Variants in CACNA1A observed in about 807,000 individuals in gnomAD.
CACNA1A encodes the protein calcium voltage-gated channel subunit alpha1 A, also known as voltage-dependent P/Q-type calcium channel subunit alpha-1A.
A neutral mutation model predicts 262.4 loss-of-function variants in CACNA1A; 57 were observed. The ratio of observed to expected loss-of-function variants is 0.22; its 90% CI spans 0.18 to 0.27. The LOEUF is 0.27. Ranked by LOEUF, CACNA1A falls within the 10% of genes least tolerant of loss-of-function variation. The probability of loss-of-function intolerance (pLI) is 1.00; values close to 1 mark genes in which losing one functional copy is unlikely to be tolerated. For missense variants in CACNA1A, 2,526 were observed against 3,562.8 expected, an observed-to-expected ratio of 0.71 and a Z score of 7.41; for synonymous variants, 1,431 against 1,419.3, an observed-to-expected ratio of 1.01 and a Z score of -0.18.
intron 1 of CACNA1A, among the ~76,000 whole-genome samples, chr19:13,455,418 A>G (rs1272753054): frequency 3.9e-5 from 6 of 152,142 alleles, no homozygotes; most frequent in Non-Finnish European, 8.8e-5. Context: ...GGAAATGTGG[A>G]TATTCACCTT....
At position 13,308,023 on chromosome 19, in the gene CACNA1A, G is replaced by C; in HGVS notation, c.1913+97C>G. 6.6e-7 allele frequency: 1 copy of C among 1,522,420 alleles called. No homozygotes were observed. The highest frequency in any genetic ancestry group is 9.0e-7 in the Non-Finnish European group (1 of 1,113,076). The allele number at this position is 1,522,420 out of a possible 1,614,324, so 94.3% of individuals were successfully genotyped here. On this transcript the variant is annotated intron_variant, in intron 14 of 46. Coordinates refer to ENST00000360228, the MANE Select transcript of CACNA1A (RefSeq NM_001127222.2). This position sits in a 1 kb window ranked among gnomAD's most constrained non-coding sequence, Gnocchi z 4.2. ...TTTGGGTGACCGCAATGGGTGTCTG[G>C]GCTACGAGGAAGGCAGCCTGCACGG...
chr19:13,224,882 T>A, intron 37 of CACNA1A, 110 bp from the exon 38 acceptor site: 1 of 725,672 alleles, frequency 1.4e-6, no homozygotes, highest in Non-Finnish European at 2.4e-6. Context: ...CTGAAAGCTG[T>A]GGCGGCTGAG....
intron 3 of CACNA1A, among the ~76,000 whole-genome samples, chr19:13,396,065 C>T (rs1241206009): frequency 6.6e-6 from 1 of 152,232 alleles, no homozygotes; most frequent in Admixed American, 6.5e-5. Context: ...TGAAGGCTCT[C>T]GTGCAAACAC....
intron 3 of CACNA1A, among the ~76,000 whole-genome samples, chr19:13,443,225 T>C (rs1486901745): frequency 3.0e-4 from 46 of 152,226 alleles, no homozygotes; most frequent in Admixed American, 3.0e-3. Flanking sequence ...TGTTCTGCTA[T>C]AAGCAACAGA....
rs753239843 is a variant in CACNA1A at position 13,283,403 on chromosome 19, G to A, written c.3693-7C>T. ...ATGGCACAGGCGGCGAAGGCTGTTG[G>A]AGACAGATGGGCGTGCAGAGGTCCA... is the stretch of plus-strand genomic sequence containing the variant. On this transcript the variant is annotated splice_polypyrimidine_tract_variant and splice_region_variant and intron_variant, in intron 21 of 46. Transcript: ENST00000360228. 1 of 1,613,852 alleles carries A rather than the reference G, an allele frequency of 6.2e-7. No individual in the cohort carries two copies. The highest frequency in any genetic ancestry group is 8.5e-7 in the Non-Finnish European group (1 of 1,179,780).
intron 31 of CACNA1A, 141 bp from the exon 32 acceptor site, chr19:13,235,871 C>T (rs953124678): frequency 1.6e-6 from 1 of 610,410 alleles, no homozygotes; most frequent in African/African-American, 1.9e-5. Context: ...AGAGAGAAAG[C>T]ACTATTAATG....
intron 1 of CACNA1A, among the ~76,000 whole-genome samples, chr19:13,489,227 A>G (rs1368116996): frequency 2.7e-5 from 4 of 150,368 alleles, no homozygotes; most frequent in Admixed American, 6.6e-5. Flanking sequence ...GGCCAGGATG[A>G]TCTCGATCTC....
intron 1 of CACNA1A, among the ~76,000 whole-genome samples, chr19:13,466,640 C>G (rs895940722): frequency 6.6e-6 from 1 of 150,882 alleles, no homozygotes. Context: ...CATGCCCATC[C>G]GAGACTCTGT....
At chr19:13,396,956 G>C (rs952507841) in intron 3 of CACNA1A, among the ~76,000 whole-genome samples, 2 of 152,192 alleles carry the variant, frequency 1.3e-5, no homozygotes, top group African/African-American at 4.8e-5. Context: ...GCCTCCACTG[G>C]GTTCCAGGAA....
chr19:13,476,206 G>A (rs546781465), intron 1 of CACNA1A, among the ~76,000 whole-genome samples: 1 of 152,298 alleles, frequency 6.6e-6, no homozygotes, highest in South Asian at 2.1e-4. Context: ...GTTGGATGAT[G>A]TTCCAGAACA....
chr19:13,245,086 T>A (rs16039), intron 31 of CACNA1A, 96 bp downstream of exon 31: 1 of 1,018,148 alleles, frequency 9.8e-7, no homozygotes, highest in Non-Finnish European at 1.5e-6. Flanking sequence ...AGCTATGGCT[T>A]CCGGGACACA....
At position 13,413,895 on chromosome 19, in the gene CACNA1A, A is replaced by AAAGAAAGAAAG. The variant is rs2060168175; in HGVS notation, c.539+38980_539+38981insCTTTCTTTCTT. 1.8e-3 allele frequency among the ~76,000 whole-genome samples: 220 copies of AAAGAAAGAAAG among 119,222 alleles called. 18 individuals carry two copies. The highest frequency in any genetic ancestry group is 8.4e-3 in the African/African-American group (207 of 24,648). 78.2% of individuals were successfully genotyped at this position (119,222 alleles called of 152,430 possible). On this transcript the variant is annotated intron_variant, in intron 3 of 46. Transcript: ENST00000360228. Reference sequence around the variant, plus strand: ...GACTCTGTCAAGAAAGAAAGAAAGAAAAAGAAAGAAAGAAAGAAAGAAAGA... The same window carrying AAAGAAAGAAAG: ...GACTCTGTCAAGAAAGAAAGAAAGAAAAGAAAGAAAGAAAGAAAGAAAGAAAGAAAGAAAGA...
chr19:13,318,888 A>ATTTTTTTTTTTTTTTTTTTTTTTTTTT (rs1600317762), intron 10 of CACNA1A, among the ~76,000 whole-genome samples: 1 of 94,684 alleles, frequency 1.1e-5, no homozygotes, highest in Non-Finnish European at 2.0e-5. Flanking sequence ...TCTAAAATAC[A>ATTTTTTTTTTTTTTTTTTTTTTTTTTT]TCTTTTTTTT....
intron 28 of CACNA1A, 63 bp downstream of exon 28, chr19:13,257,283 TTGTG>T (rs986727059): frequency 1.2e-5 from 16 of 1,308,166 alleles, no homozygotes; most frequent in Admixed American, 1.8e-5. Context: ...TTCCTGGGTG[TTGTG>T]TGTGTTTTAA....
At chr19:13,467,321 A>T (rs1003463974) in intron 1 of CACNA1A, among the ~76,000 whole-genome samples, 52 of 151,892 alleles carry the variant, frequency 3.4e-4, no homozygotes, top group African/African-American at 1.1e-3. Context: ...ACCTTTTTTT[A>T]AAAAAAGGGG....
In CACNA1A at chr19:13,298,961, A is replaced by C. The variant is rs1171365113; in HGVS notation, c.2672T>G (p.Leu891Arg). ...GCGGCCGTAGGGTCCCTCCCGGCTC[A>C]GCTCGGCCTCCTGGCTTCCCGCCCA... ...RPWAGSQEAE[L>R]SREGPYGRES... Residue 891 changes from leucine to arginine, a missense_variant, in exon 19 of 47, where the codon CTG becomes CGG. Physicochemically the swap from Leu to Arg is moderately radical, Grantham distance 102. This residue lies in a region of CACNA1A where 765 missense variants were observed against 748.6 expected (regional missense o/e 1.02). Transcript: ENST00000360228. The C allele has an allele frequency of 2.5e-6, 4 of 1,587,588 alleles. No homozygotes were observed. Among genetic ancestry groups the C allele is most frequent in the Non-Finnish European group, 3.4e-6 (4 of 1,174,400 alleles).
chr19:13,414,680 G>C (rs966702857), intron 3 of CACNA1A, among the ~76,000 whole-genome samples: 1 of 152,026 alleles, frequency 6.6e-6, no homozygotes, highest in Non-Finnish European at 1.5e-5. Flanking sequence ...AAGCTCTGCC[G>C]GGTGTGGTGG....
At chr19:13,279,050 A>G (rs1028318711) in intron 22 of CACNA1A, among the ~76,000 whole-genome samples, 2 of 152,078 alleles carry the variant, frequency 1.3e-5, no homozygotes, top group East Asian at 1.9e-4. Flanking sequence ...TACCCTGTCA[A>G]TCCTCCCTGG....
intron 29 of CACNA1A, among the ~76,000 whole-genome samples, chr19:13,254,016 G>C (rs1359360736): frequency 6.6e-6 from 1 of 152,208 alleles, no homozygotes; most frequent in African/African-American, 2.4e-5. Flanking sequence ...TGGGATTACA[G>C]GTGTGAGCCA....
Sources: gnomAD v4.1 joint callset for allele counts (sites outside exome capture counted in the v4.1 genomes callset) on GRCh38, gnomAD v4.1.1 for gene constraint, gnomAD v4.1.1 regional missense constraint, Gnocchi (gnomAD v3.1) non-coding constraint, MANE v1.5 for transcripts, NCBI Gene and HGNC (gene_info 2026-07-23, HGNC 2026-07-21) for gene names.